Variants in ANO1 observed in about 807,000 individuals in gnomAD.
The protein encoded by ANO1 is anoctamin-1.
In ANO1, 59 loss-of-function variants were observed where a neutral mutation model predicts 124.0. The ratio of observed to expected loss-of-function variants is 0.48; its 90% CI spans 0.39 to 0.59. The LOEUF is 0.59. Among genes scored for constraint, ANO1 ranks in the 20% least tolerant of loss-of-function variants. The pLI is 0.00. For synonymous variants in ANO1, 529 were observed against 532.0 expected (o/e 0.99, Z 0.08); for missense variants, 1,059 against 1,328.0 (o/e 0.80, Z 3.15).
intron 11 of ANO1, among the ~76,000 whole-genome samples, chr11:70,143,779 A>G (rs1590847482): frequency 6.6e-6 from 1 of 152,316 alleles, no homozygotes; most frequent in East Asian, 1.9e-4. Context: ...GCAGGTGCAC[A>G]TTAACACATA....
At position 70,098,772 on chromosome 11, in the gene ANO1, G is replaced by A. The variant is rs149835528; in HGVS notation, c.442-4294G>A. Among the ~76,000 whole-genome samples, 242 of 152,298 alleles carry A rather than the reference G, an allele frequency of 1.6e-3. 1 individual carries two copies. The highest frequency in any genetic ancestry group is 3.7e-3 in the Admixed American group (57 of 15,302). On this transcript the variant is annotated intron_variant, in intron 2 of 25. Transcript: ENST00000355303. Reference sequence around the variant, plus strand: ...TGATAGAAGCACACAGGGCCACCGCGTGGACTGAGGGTCTAGGCCCTCGGG... The same window carrying A: ...TGATAGAAGCACACAGGGCCACCGCATGGACTGAGGGTCTAGGCCCTCGGG...
chr11:70,128,221 A>G (rs1170663044), intron 10 of ANO1, among the ~76,000 whole-genome samples: 1 of 119,106 alleles, frequency 8.4e-6, no homozygotes, highest in African/African-American at 3.2e-5. Flanking sequence ...TTTTGGTGTT[A>G]ATTTGGTCCT....
intron 1 of ANO1, among the ~76,000 whole-genome samples, chr11:70,026,102 G>C (rs542722206): frequency 3.0e-4 from 44 of 149,002 alleles, no homozygotes; most frequent in African/African-American, 9.9e-4. Context: ...GATGACGGTG[G>C]TGGTGGTGAT....
intron 1 of ANO1, among the ~76,000 whole-genome samples, chr11:70,010,179 G>GTGTGTGTATGTATATA: frequency 1.2e-5 from 1 of 83,776 alleles, no homozygotes; most frequent in Admixed American, 1.3e-4. Context: ...GTGTGTGTGT[G>GTGTGTGTATGTATATA]TATATATATA....
At chr11:70,160,093 C>G (rs1360996310) in intron 16 of ANO1, among the ~76,000 whole-genome samples, 1 of 152,142 alleles carries the variant, frequency 6.6e-6, no homozygotes, top group Non-Finnish European at 1.5e-5. Context: ...CAGGGCAGCC[C>G]CAGGCCTCCT....
chr11:70,039,468 G>A (rs367859291), intron 1 of ANO1, among the ~76,000 whole-genome samples: 24 of 152,296 alleles, frequency 1.6e-4, no homozygotes, highest in African/African-American at 5.8e-4. Context: ...TTTATCCCTT[G>A]AAGGACTTAA....
At chr11:69,967,779 G>A in the ANO1 span, among the ~76,000 whole-genome samples, 3 of 152,338 alleles carry the variant, frequency 2.0e-5, no homozygotes, top group African/African-American at 7.2e-5. Flanking sequence ...CCTCTGCAGA[G>A]TCTTCTGTGC....
At chr11:69,971,406 G>T in the ANO1 span, among the ~76,000 whole-genome samples, 1 of 152,178 alleles carries the variant, frequency 6.6e-6, no homozygotes, top group African/African-American at 2.4e-5. Context: ...CTGGCACGTG[G>T]TCTGTGTGTT....
intron 11 of ANO1, among the ~76,000 whole-genome samples, chr11:70,132,417 C>G (rs961888507): frequency 6.6e-6 from 1 of 152,140 alleles, no homozygotes; most frequent in African/African-American, 2.4e-5. Flanking sequence ...TGCCTCCATC[C>G]CTGCTGCAGC....
chr11:69,983,685 G>A (rs910358721), upstream of ANO1, among the ~76,000 whole-genome samples: 3 of 152,194 alleles, frequency 2.0e-5, no homozygotes, highest in Non-Finnish European at 2.9e-5. Flanking sequence ...AATAGCAGCC[G>A]AGAGCAATCT....
At chr11:70,181,044 C>G (rs1225170843) in intron 23 of ANO1, among the ~76,000 whole-genome samples, 1 of 152,172 alleles carries the variant, frequency 6.6e-6, no homozygotes, top group Non-Finnish European at 1.5e-5. Context: ...CTGGATCTCC[C>G]CGGGTTTAGC....
chr11:70,121,410 T>C (rs11234775), intron 8 of ANO1, among the ~76,000 whole-genome samples: 139,487 of 141,570 alleles, frequency 0.99, 68,757 homozygotes, highest in Non-Finnish European at 1. Context: ...TCTCTCTCCC[T>C]GTCTCCCCCA....
At position 70,105,889 on chromosome 11, in the gene ANO1, C is replaced by T. The variant is rs1051407011; in HGVS notation, c.747+101C>T. 40 of 1,186,856 alleles carry T rather than the reference C, an allele frequency of 3.4e-5. No individual in the cohort carries two copies. The African/African-American group carries it at 5.8e-4, about 17-fold the overall frequency. The allele number at this position is 1,186,856 out of a possible 1,614,324, so 73.5% of individuals were successfully genotyped here. Reference sequence around the variant, plus strand: ...TGAAACTCCTCCCGGTGGAAGCCGGCTCTAATTGTCTGTGACAGAAATAAT... The same window carrying T: ...TGAAACTCCTCCCGGTGGAAGCCGGTTCTAATTGTCTGTGACAGAAATAAT... On this transcript the variant is annotated intron_variant, in intron 5 of 25. Coordinates refer to ENST00000355303, the MANE Select transcript of ANO1 (RefSeq NM_018043.7).
chr11:70,040,380 C>T (rs2135054972), intron 1 of ANO1, among the ~76,000 whole-genome samples: 1 of 152,258 alleles, frequency 6.6e-6, no homozygotes. Context: ...GACTTAGATC[C>T]TAATAGTCCT....
intron 8 of ANO1, among the ~76,000 whole-genome samples, chr11:70,123,716 C>A (rs189076158): frequency 6.6e-6 from 1 of 152,300 alleles, no homozygotes; most frequent in East Asian, 1.9e-4. Flanking sequence ...GATGTATGAG[C>A]CTGGGCTTTG....
chr11:70,057,860 GACAAA>G (rs1167425104), intron 1 of ANO1, among the ~76,000 whole-genome samples: 8 of 152,128 alleles, frequency 5.3e-5, no homozygotes, highest in African/African-American at 4.8e-5. Context: ...TCAGAGGCCT[GACAAA>G]ACAAAACAAA....
chr11:70,046,076 A>C (rs1212275436), intron 1 of ANO1, among the ~76,000 whole-genome samples: 1 of 152,150 alleles, frequency 6.6e-6, no homozygotes, highest in Non-Finnish European at 1.5e-5. Context: ...TGGGCTGCAG[A>C]GGGATGAGCA....
At chr11:70,069,639 A>T (rs1173924674) in intron 1 of ANO1, among the ~76,000 whole-genome samples, 1 of 152,320 alleles carries the variant, frequency 6.6e-6, no homozygotes, top group East Asian at 1.9e-4. Flanking sequence ...CTGATTTCAG[A>T]TGTAATCATT....
chr11:70,044,698 A>G (rs1392684180), intron 1 of ANO1, among the ~76,000 whole-genome samples: 1 of 152,222 alleles, frequency 6.6e-6, no homozygotes, highest in Admixed American at 6.5e-5. Flanking sequence ...GTATCTCCTC[A>G]TCAATTTCTT....
Sources: gnomAD v4.1 joint callset for allele counts (sites outside exome capture counted in the v4.1 genomes callset) on GRCh38, gnomAD v4.1.1 for gene constraint, MANE v1.5 for transcripts, NCBI Gene and HGNC (gene_info 2026-07-23, HGNC 2026-07-21) for gene names.